THSD4: variants seen among roughly 807,000 people sequenced by gnomAD.
THSD4 encodes the protein thrombospondin type 1 domain containing 4, also known as thrombospondin type-1 domain-containing protein 4.
In THSD4, 69 loss-of-function variants were observed where a neutral mutation model predicts 119.0. The ratio of observed to expected loss-of-function variants is 0.58; its 90% CI spans 0.48 to 0.71. The LOEUF (loss-of-function observed/expected upper bound fraction) is 0.71, where lower values mean the gene tolerates loss of function less well. Among genes scored for constraint, THSD4 ranks in the 30% least tolerant of loss-of-function variants. THSD4 has a pLI of 0.00. For synonymous variants in THSD4, 524 were observed against 540.4 expected (o/e 0.97, Z 0.42); for missense variants, 1,393 against 1,391.1 (o/e 1.00, Z -0.02).
At chr15:71,445,083 T>C (rs935792238) in intron 7 of THSD4, among the ~76,000 whole-genome samples, 4 of 152,118 alleles carry the variant, frequency 2.6e-5, no homozygotes, top group Admixed American at 2.6e-4. Flanking sequence ...TGTCCCTACT[T>C]GTTTTTCTAT....
chr15:71,662,770 C>A (rs1384188006), intron 8 of THSD4, among the ~76,000 whole-genome samples: 1 of 152,132 alleles, frequency 6.6e-6, no homozygotes, highest in Non-Finnish European at 1.5e-5. Context: ...TATAAGTAGT[C>A]ATGCGATTCA....
chr15:71,438,765 G>A lies in THSD4; in HGVS notation c.1152+26942G>A, dbSNP rs148411882. 8.9e-4 allele frequency among the ~76,000 whole-genome samples: 136 copies of A among 152,282 alleles called. 1 individual carries two copies. Among genetic ancestry groups the A allele is most frequent in the African/African-American group, 3.1e-3 (127 of 41,556 alleles). The stretch of plus-strand genomic sequence containing the variant: ...TTTCGAAAAAGAAGCAGAACACACA[G>A]GTGTTTGAAGTGATGAAAGGTAAGT... On this transcript the variant is annotated intron_variant, in intron 7 of 17. Transcript: ENST00000261862.
intron 6 of THSD4, among the ~76,000 whole-genome samples, chr15:71,344,891 C>G (rs1336243713): frequency 1.3e-5 from 2 of 151,910 alleles, no homozygotes; most frequent in Non-Finnish European, 1.5e-5. Flanking sequence ...AGGTCCAGAT[C>G]GTGAGATCTG....
At chr15:71,394,834 G>T (rs923605457) in intron 6 of THSD4, among the ~76,000 whole-genome samples, 1 of 152,082 alleles carries the variant, frequency 6.6e-6, no homozygotes, top group Non-Finnish European at 1.5e-5. Context: ...TTGCATTTTT[G>T]TGTATTTAAT....
chr15:71,619,009 G>GC (rs2050372702), intron 7 of THSD4, among the ~76,000 whole-genome samples: 1 of 143,852 alleles, frequency 7.0e-6, no homozygotes, highest in African/African-American at 2.6e-5. Flanking sequence ...CGCTCTTGTT[G>GC]CCCAGGCTGG....
In THSD4 at chr15:71,654,392, C is replaced by T. The variant is rs544268384; in HGVS notation, c.1153-6138C>T. ...GAATAACAACTGGAAAAAGATCCAC[C>T]CAGAATAGATTAACTGTTTCCTTAT... On this transcript the variant is annotated intron_variant, in intron 7 of 17. Coordinates refer to ENST00000261862, the MANE Select transcript of THSD4 (RefSeq NM_024817.3). 2.0e-5 allele frequency among the ~76,000 whole-genome samples: 3 copies of T among 152,266 alleles called. No homozygotes were observed. In the South Asian group the frequency reaches 6.2e-4, roughly 32 times the overall value.
chr15:71,129,877 G>C (rs1302303860), intron 1 of THSD4, among the ~76,000 whole-genome samples: 1 of 152,228 alleles, frequency 6.6e-6, no homozygotes, highest in Admixed American at 6.5e-5. Flanking sequence ...GGATGAGGCA[G>C]ATCCTTTCCC....
Position 71,654,258 on chromosome 15 carries a change from C to T in THSD4, c.1153-6272C>T, listed in dbSNP as rs1169000033. Among the ~76,000 whole-genome samples the T allele has an allele frequency of 2.0e-5, 3 of 152,188 alleles. No homozygotes were observed. The East Asian group carries it at 5.8e-4, about 29-fold the overall frequency. Reference sequence around the variant, plus strand: ...CCTTGTTTGTTTTACCTTCATGTCTCCGCTGCCTACCACTGAATTGGCACG... The same window carrying T: ...CCTTGTTTGTTTTACCTTCATGTCTTCGCTGCCTACCACTGAATTGGCACG... On this transcript the variant is annotated intron_variant, in intron 7 of 17. Transcript: ENST00000261862.
At chr15:71,702,766 ACT>A (rs948220706) in intron 8 of THSD4, among the ~76,000 whole-genome samples, 8 of 151,956 alleles carry the variant, frequency 5.3e-5, no homozygotes, top group African/African-American at 1.9e-4. Flanking sequence ...CTTTCCACAC[ACT>A]CAGGCACCTC....
At chr15:71,319,572 A>G (rs572345416) in intron 6 of THSD4, among the ~76,000 whole-genome samples, 1 of 152,276 alleles carries the variant, frequency 6.6e-6, no homozygotes, top group East Asian at 1.9e-4. Context: ...TACAAAGGAC[A>G]TGAATTCATC....
chr15:71,655,429 C>G (rs558804481), intron 7 of THSD4, among the ~76,000 whole-genome samples: 6 of 152,204 alleles, frequency 3.9e-5, no homozygotes, highest in Admixed American at 3.9e-4. Context: ...GAAAGTGTTA[C>G]AGAAGTACGG....
At chr15:71,622,274 TTATGAGTTGG>T (rs1163369971) in intron 7 of THSD4, among the ~76,000 whole-genome samples, 2 of 152,360 alleles carry the variant, frequency 1.3e-5, no homozygotes, top group East Asian at 3.9e-4. Flanking sequence ...ATCATGCAAT[TTATGAGTTGG>T]TCCTATTTTG....
intron 14 of THSD4, 86 bp from the exon 15 acceptor site, chr15:71,757,816 C>G (rs1426616911): frequency 5.8e-6 from 9 of 1,539,810 alleles, no homozygotes; most frequent in Non-Finnish European, 7.9e-6. Context: ...GAAAATGAAG[C>G]ATTCCATCCT....
intron 7 of THSD4, among the ~76,000 whole-genome samples, chr15:71,452,470 T>A (rs1239857103): frequency 6.9e-6 from 1 of 144,192 alleles, no homozygotes; most frequent in Non-Finnish European, 1.5e-5. Flanking sequence ...CTCCCTCAGC[T>A]CTCAAAGGGA....
intron 7 of THSD4, among the ~76,000 whole-genome samples, chr15:71,415,041 G>T (rs970995444): frequency 6.6e-6 from 1 of 152,246 alleles, no homozygotes; most frequent in Non-Finnish European, 1.5e-5. Context: ...AATTCAAATT[G>T]ATTTCTCTAC....
At chr15:71,406,303 A>G (rs1235959598) in intron 6 of THSD4, among the ~76,000 whole-genome samples, 6 of 152,068 alleles carry the variant, frequency 3.9e-5, no homozygotes, top group African/African-American at 1.4e-4. Context: ...GAGATGTTTC[A>G]TGTGCACTTG....
intron 7 of THSD4, among the ~76,000 whole-genome samples, chr15:71,648,063 A>G (rs1468533891): frequency 6.6e-6 from 1 of 152,214 alleles, no homozygotes; most frequent in East Asian, 1.9e-4. Context: ...CTAGCAGAGG[A>G]AAAAGATCCT....
At chr15:71,623,859 G>A (rs1238112603) in intron 7 of THSD4, among the ~76,000 whole-genome samples, 1 of 150,566 alleles carries the variant, frequency 6.6e-6, no homozygotes, top group Non-Finnish European at 1.5e-5. Context: ...GGAGGTGGAG[G>A]TTGCAGTGAG....
chr15:71,184,001 A>C (rs1373337069), intron 3 of THSD4: 1 of 151,816 alleles, frequency 6.6e-6, no homozygotes, highest in Non-Finnish European at 1.5e-5. Context: ...CAGAGGTGGC[A>C]CTATAGCTGC....
Sources: allele counts gnomAD v4.1 joint callset (sites outside exome capture counted in the v4.1 genomes callset), GRCh38; gene constraint gnomAD v4.1.1; transcripts MANE v1.5; gene names NCBI Gene and HGNC (gene_info 2026-07-23, HGNC 2026-07-21).